Variants in GPHN observed in about 807,000 individuals in gnomAD.
GPHN encodes the protein gephyrin.
A neutral mutation model predicts 95.5 loss-of-function variants in GPHN; 17 were observed. The ratio of observed to expected loss-of-function variants is 0.18; its 90% confidence interval spans 0.12 to 0.27. The LOEUF (loss-of-function observed/expected upper bound fraction) is 0.27, where lower values mean the gene tolerates loss of function less well. Among genes scored for constraint, GPHN ranks in the 10% least tolerant of loss-of-function variants. The pLI is 1.00. For synonymous variants in GPHN, 320 were observed against 322.5 expected (o/e 0.99, Z 0.08); for missense variants, 660 against 978.1 (o/e 0.67, Z 4.34).
chr14:67,640,485 T>A, the GPHN span, among the ~76,000 whole-genome samples: 3 of 152,212 alleles, frequency 2.0e-5, no homozygotes, highest in Admixed American at 1.3e-4. Context: ...TCCTCAAATT[T>A]TTATATTTCT....
chr14:67,542,604 AT>A, the GPHN span, among the ~76,000 whole-genome samples: 2 of 152,298 alleles, frequency 1.3e-5, no homozygotes, highest in South Asian at 4.1e-4. Context: ...TAATTATTTT[AT>A]TTACAGGTTT....
chr14:66,910,796 T>C (rs950378693), intron 5 of GPHN, among the ~76,000 whole-genome samples: 1 of 152,026 alleles, frequency 6.6e-6, no homozygotes, highest in African/African-American at 2.4e-5. Flanking sequence ...TTCTGTTCTT[T>C]TTTAAAAAAT....
chr14:67,704,381 G>C, the GPHN span, among the ~76,000 whole-genome samples: 1 of 152,154 alleles, frequency 6.6e-6, no homozygotes, highest in Non-Finnish European at 1.5e-5. Flanking sequence ...GCTTGTAGGT[G>C]TTATTGGAAG....
intron 17 of GPHN, among the ~76,000 whole-genome samples, chr14:67,126,546 C>A (rs2079329172): frequency 1.3e-5 from 2 of 152,084 alleles, no homozygotes; most frequent in Non-Finnish European, 2.9e-5. Flanking sequence ...TAGAAATGAA[C>A]AAGAGATTCA....
chr14:67,285,285 G>GCTA, the GPHN span, among the ~76,000 whole-genome samples: 1 of 152,134 alleles, frequency 6.6e-6, no homozygotes, highest in East Asian at 1.9e-4. Flanking sequence ...GTCCCTAGAA[G>GCTA]CTATCTGTTT....
chr14:67,733,775 G>T, the GPHN span: 1 of 1,613,400 alleles, frequency 6.2e-7, no homozygotes, highest in Non-Finnish European at 8.5e-7. Context: ...GTGTCTCCAA[G>T]GGCCCGAAAT....
At chr14:67,256,165 A>G in the GPHN span, among the ~76,000 whole-genome samples, 3 of 152,236 alleles carry the variant, frequency 2.0e-5, no homozygotes, top group Non-Finnish European at 4.4e-5. Flanking sequence ...TATTTGGTCT[A>G]TTATCCTCAT....
intron 8 of GPHN, among the ~76,000 whole-genome samples, chr14:66,949,993 GA>G (rs71129809): frequency 0.02 from 1,157 of 57,774 alleles, 6 homozygotes; most frequent in African/African-American, 0.035. Flanking sequence ...TTTAGGACAG[GA>G]AAAAAAAAAA....
chr14:66,625,665 T>C (rs1486067485), intron 1 of GPHN, among the ~76,000 whole-genome samples: 2 of 152,200 alleles, frequency 1.3e-5, no homozygotes, highest in Admixed American at 6.5e-5. Flanking sequence ...CCTGTTCTTA[T>C]GTCAAGTACA....
chr14:66,967,764 A>G (rs1424419880), intron 9 of GPHN, among the ~76,000 whole-genome samples: 1 of 151,946 alleles, frequency 6.6e-6, no homozygotes, highest in Non-Finnish European at 1.5e-5. Flanking sequence ...CATGCTAAGA[A>G]GAAATGAAAA....
chr14:67,627,381 G>A, the GPHN span, among the ~76,000 whole-genome samples: 11 of 151,486 alleles, frequency 7.3e-5, no homozygotes, highest in East Asian at 1.5e-3. Context: ...AGTTTTATGT[G>A]TTTATATTTT....
chr14:66,549,496 G>T (rs1347878666), intron 1 of GPHN, among the ~76,000 whole-genome samples: 2 of 152,154 alleles, frequency 1.3e-5, no homozygotes, highest in African/African-American at 4.8e-5. Context: ...TTGGGAGCTG[G>T]CTAGAGGTTG....
At chr14:66,567,872 T>C (rs1355592722) in intron 1 of GPHN, among the ~76,000 whole-genome samples, 1 of 152,194 alleles carries the variant, frequency 6.6e-6, no homozygotes, top group African/African-American at 2.4e-5. Context: ...CTGCAAGATC[T>C]ATAAAAAAAT....
chr14:67,482,198 T>G, the GPHN span, among the ~76,000 whole-genome samples: 2 of 152,194 alleles, frequency 1.3e-5, no homozygotes, highest in Non-Finnish European at 2.9e-5. Flanking sequence ...CAGAGCCCTG[T>G]TCACTAAGAG....
Position 67,056,655 on chromosome 14 carries a change from G to A in GPHN, c.1007-1994G>A, listed in dbSNP as rs191518552. Reference sequence around the variant, plus strand: ...AGTCCCCACCAGACTCAGGAGCCCAGCTGGCTTCACCTAGTGGATCACACG... The same window carrying A: ...AGTCCCCACCAGACTCAGGAGCCCAACTGGCTTCACCTAGTGGATCACACG... On this transcript the variant is annotated intron_variant, in intron 10 of 22. Transcript: ENST00000478722. Among the ~76,000 whole-genome samples, 320 of 152,370 alleles carry A rather than the reference G, an allele frequency of 2.1e-3. 1 individual carries two copies. The highest frequency in any genetic ancestry group is 7.2e-3 in the African/African-American group (301 of 41,590).
At chr14:67,064,532 C>G (rs1274199) in intron 11 of GPHN, among the ~76,000 whole-genome samples, 1 of 152,074 alleles carries the variant, frequency 6.6e-6, no homozygotes, top group East Asian at 1.9e-4. Flanking sequence ...TTGTACCTCT[C>G]GTAGAATTTG....
intron 1 of GPHN, among the ~76,000 whole-genome samples, chr14:66,587,981 A>G (rs572188701): frequency 6.6e-6 from 1 of 152,302 alleles, no homozygotes; most frequent in South Asian, 2.1e-4. Flanking sequence ...CACCTCATAC[A>G]GGAGAGCTCC....
At chr14:67,248,111 T>A in the GPHN span, among the ~76,000 whole-genome samples, 1 of 152,190 alleles carries the variant, frequency 6.6e-6, no homozygotes, top group East Asian at 1.9e-4. Context: ...GTTAATATGG[T>A]GAATTACACT....
At chr14:67,254,054 T>C in the GPHN span, 1 of 141,290 alleles carries the variant, frequency 7.1e-6, no homozygotes, top group Non-Finnish European at 1.5e-5. Flanking sequence ...TTTCTTAGGA[T>C]GCTCTTCTTC....
Sources: allele counts gnomAD v4.1 joint callset (sites outside exome capture counted in the v4.1 genomes callset), GRCh38; gene constraint gnomAD v4.1.1; transcripts MANE v1.5; gene names NCBI Gene and HGNC (gene_info 2026-07-23, HGNC 2026-07-21).